Variants in PRKN observed in about 807,000 individuals in gnomAD.
PRKN encodes E3 ubiquitin-protein ligase parkin.
In PRKN, 56 loss-of-function variants were observed where a neutral mutation model predicts 59.5. The ratio of observed to expected loss-of-function variants is 0.94; its 90% CI spans 0.76 to 1.18. The LOEUF is 1.18. Ranked by LOEUF, PRKN falls within the 50% of genes most tolerant of loss-of-function variation. The pLI is 0.00. For synonymous variants in PRKN, 250 were observed against 222.1 expected, an observed-to-expected ratio of 1.13 and a Z score of -1.12; for missense variants, 657 against 596.4, an observed-to-expected ratio of 1.10 and a Z score of -1.06.
intron 4 of PRKN, among the ~76,000 whole-genome samples, chr6:162,168,070 C>T (rs2128318733): frequency 6.6e-6 from 1 of 152,174 alleles, no homozygotes; most frequent in South Asian, 2.1e-4. Flanking sequence ...GGGCAATCTG[C>T]TCTTCTTGGA....
intron 2 of PRKN, among the ~76,000 whole-genome samples, chr6:162,381,713 A>G (rs1786494050): frequency 6.6e-6 from 1 of 152,212 alleles, no homozygotes; most frequent in South Asian, 2.1e-4. Flanking sequence ...TGTTTTTACC[A>G]TTACGCACTT....
At chr6:162,584,074 G>T in intron 1 of PRKN, among the ~76,000 whole-genome samples, 1 of 151,956 alleles carries the variant, frequency 6.6e-6, no homozygotes, top group East Asian at 1.9e-4. Context: ...TTAGCCGGGC[G>T]TGGTGGCAGA....
At chr6:162,517,781 C>T (rs1041452345) in intron 1 of PRKN, among the ~76,000 whole-genome samples, 1 of 152,016 alleles carries the variant, frequency 6.6e-6, no homozygotes, top group Non-Finnish European at 1.5e-5. Context: ...GACAAAAAAA[C>T]TGGGTTTTAT....
intron 6 of PRKN, among the ~76,000 whole-genome samples, chr6:161,945,711 C>G (rs1414745721): frequency 1.3e-5 from 2 of 152,282 alleles, no homozygotes; most frequent in African/African-American, 4.8e-5. Context: ...GTTCTCTCTA[C>G]CCCCTACCTT....
chr6:162,571,985 A>G (rs1006144539), intron 1 of PRKN, among the ~76,000 whole-genome samples: 1 of 151,532 alleles, frequency 6.6e-6, no homozygotes, highest in Non-Finnish European at 1.5e-5. Context: ...ACAAATTTGG[A>G]AAAAAAAACA....
At chr6:161,676,291 T>C (rs1785084365) in intron 7 of PRKN, among the ~76,000 whole-genome samples, 1 of 152,204 alleles carries the variant, frequency 6.6e-6, no homozygotes, top group South Asian at 2.1e-4. Flanking sequence ...ACCCACTACA[T>C]TAATTTGCAT....
intron 6 of PRKN, among the ~76,000 whole-genome samples, chr6:161,906,866 C>A (rs908583249): frequency 1.3e-5 from 2 of 151,752 alleles, no homozygotes; most frequent in African/African-American, 4.8e-5. Flanking sequence ...GTTTCCAGCA[C>A]GGGAGAAAGA....
intron 9 of PRKN, among the ~76,000 whole-genome samples, chr6:161,541,914 G>T (rs1379196548): frequency 2.6e-5 from 4 of 152,122 alleles, no homozygotes; most frequent in Non-Finnish European, 5.9e-5. Context: ...AGTGGTCTGT[G>T]TTGGGTTAAA....
At chr6:162,568,553 C>T (rs1780181853) in intron 1 of PRKN, 22 of 804,002 alleles carry the variant, frequency 2.7e-5, no homozygotes, top group South Asian at 2.6e-4. Context: ...TGGACCCCAA[C>T]ATCCAGGCCG....
intron 1 of PRKN, among the ~76,000 whole-genome samples, chr6:162,560,286 T>C (rs921686370): frequency 1.1e-4 from 17 of 152,214 alleles, no homozygotes. Context: ...ATAATACACA[T>C]GCTTTATGCT....
intron 2 of PRKN, among the ~76,000 whole-genome samples, chr6:162,270,916 G>A (rs1583295208): frequency 1.3e-5 from 2 of 151,220 alleles, no homozygotes; most frequent in Admixed American, 1.3e-4. Context: ...ATCAAGGCTC[G>A]CTGCTGCCTC....
At chr6:161,782,594 A>T (rs1165449589) in intron 7 of PRKN, among the ~76,000 whole-genome samples, 1 of 152,184 alleles carries the variant, frequency 6.6e-6, no homozygotes, top group Admixed American at 6.5e-5. Context: ...AAACACAATA[A>T]ATTTAAAAGC....
intron 7 of PRKN, chr6:161,716,072 T>C (rs1583045775): frequency 1.2e-6 from 1 of 856,466 alleles, no homozygotes; most frequent in Non-Finnish European, 1.5e-6. Context: ...GGGCCCATCT[T>C]ACCGACTCCT....
At chr6:161,907,979 G>A (rs1313935305) in intron 6 of PRKN, among the ~76,000 whole-genome samples, 1 of 152,096 alleles carries the variant, frequency 6.6e-6, no homozygotes, top group Non-Finnish European at 1.5e-5. Context: ...TCAGGAGGCT[G>A]AGGCAAGAGA....
intron 1 of PRKN, among the ~76,000 whole-genome samples, chr6:162,467,347 A>T (rs1232573390): frequency 2.0e-5 from 3 of 152,102 alleles, no homozygotes; most frequent in Admixed American, 1.3e-4. Context: ...GAAGTATGGG[A>T]GGTATTCATT....
chr6:162,301,788 G>GT (rs1490902450), intron 2 of PRKN, among the ~76,000 whole-genome samples: 5 of 113,818 alleles, frequency 4.4e-5, no homozygotes, highest in African/African-American at 1.2e-4. Context: ...CGGGGCGGGG[G>GT]GGGGGTGCAG....
chr6:161,518,415 T>C lies in PRKN; in HGVS notation c.1083+30439A>G, dbSNP rs1029485144. ...AGCCAGGCGTGGTGGTGGGCGCCTG[T>C]AGTCCCAGCTACTTGGGAGGCTGGG... is the stretch of plus-strand genomic sequence containing the variant. On this transcript the variant is annotated intron_variant, in intron 9 of 11. Transcript: ENST00000366898. The surrounding 1 kb of genome is among the most constrained non-coding windows in gnomAD (Gnocchi z 5.0). Among the ~76,000 whole-genome samples the C allele has an allele frequency of 5.3e-5, 8 of 152,190 alleles. No homozygotes were observed. The highest frequency in any genetic ancestry group is 1.9e-4 in the African/African-American group (8 of 41,458).
intron 2 of PRKN, among the ~76,000 whole-genome samples, chr6:162,310,070 C>T (rs1023715616): frequency 3.3e-5 from 5 of 152,078 alleles, no homozygotes; most frequent in Non-Finnish European, 7.4e-5. Context: ...GCATAGTATT[C>T]AATGGTGTAT....
At chr6:161,763,685 C>T (rs60034523) in intron 7 of PRKN, among the ~76,000 whole-genome samples, 6,852 of 152,050 alleles carry the variant, frequency 0.045, 414 homozygotes, top group African/African-American at 0.13. Context: ...AGCCCCTTTC[C>T]CCCCCACAAC....
Sources: allele counts gnomAD v4.1 joint callset (sites outside exome capture counted in the v4.1 genomes callset), GRCh38; gene constraint gnomAD v4.1.1; non-coding constraint Gnocchi (gnomAD v3.1); transcripts MANE v1.5; gene names NCBI Gene and HGNC (gene_info 2026-07-23, HGNC 2026-07-21).